The following PBLD variants were observed in gnomAD, a reference collection of about 807,000 sequenced individuals.
The protein encoded by PBLD is phenazine biosynthesis-like domain-containing protein.
A neutral mutation model predicts 31.3 loss-of-function variants in PBLD; 26 were observed. That is an observed-to-expected ratio of 0.83 (90% CI 0.61 to 1.15). The LOEUF (loss-of-function observed/expected upper bound fraction) is 1.15, where lower values mean the gene tolerates loss of function less well. Ranked by LOEUF, PBLD falls within the 50% of genes most tolerant of loss-of-function variation. The pLI, the probability that PBLD is intolerant of heterozygous loss-of-function variation, is 0.00. For synonymous variants in PBLD, 114 were observed against 129.0 expected (o/e 0.88, Z 0.79); for missense variants, 307 against 351.7 (o/e 0.87, Z 1.02).
chr10:68,294,450 T>G (rs1162635505), intron 4 of PBLD, among the ~76,000 whole-genome samples: 1 of 152,238 alleles, frequency 6.6e-6, no homozygotes, highest in Non-Finnish European at 1.5e-5. Context: ...GCCCTGACCC[T>G]GCTTGCCCAG....
At chr10:68,304,312 G>A (rs1365425446) in intron 2 of PBLD, among the ~76,000 whole-genome samples, 1 of 152,150 alleles carries the variant, frequency 6.6e-6, no homozygotes, top group Non-Finnish European at 1.5e-5. Context: ...CTAATCTTTA[G>A]ATATCTATTC....
intron 4 of PBLD, among the ~76,000 whole-genome samples, chr10:68,292,766 T>G (rs1230890173): frequency 6.6e-6 from 1 of 152,168 alleles, no homozygotes; most frequent in African/African-American, 2.4e-5. Context: ...CACCTCGGCC[T>G]CCCAAAATGC....
chr10:68,303,743 T>C (rs185811386), intron 2 of PBLD, among the ~76,000 whole-genome samples: 1 of 152,222 alleles, frequency 6.6e-6, no homozygotes, highest in Admixed American at 6.5e-5. Flanking sequence ...CACCACGACC[T>C]AGTCTTTAGT....
intron 1 of PBLD, among the ~76,000 whole-genome samples, chr10:68,326,480 A>T (rs565178006): frequency 5.9e-5 from 9 of 152,324 alleles, no homozygotes; most frequent in Non-Finnish European, 1.2e-4. Context: ...CATCGGAAAT[A>T]TTATTTATTC....
intron 1 of PBLD, among the ~76,000 whole-genome samples, chr10:68,316,480 A>G (rs528894952): frequency 2.6e-5 from 4 of 152,202 alleles, no homozygotes; most frequent in Non-Finnish European, 5.9e-5. Context: ...AAATTATAAG[A>G]GCCTCAGAGA....
chr10:68,324,326 G>A (rs143124175), intron 1 of PBLD, among the ~76,000 whole-genome samples: 5,001 of 151,938 alleles, frequency 0.033, 288 homozygotes, highest in African/African-American at 0.11. Context: ...ACAGGTGCGC[G>A]CCACCATGCC....
chr10:68,288,964 T>A lies in PBLD; in HGVS notation c.479A>T (p.Lys160Met). 1 of 1,614,144 alleles carries A rather than the reference T, an allele frequency of 6.2e-7. No homozygotes were observed. Among genetic ancestry groups the A allele is most frequent in the East Asian group, 2.2e-5 (1 of 44,888 alleles). The part of the protein sequence containing the change: ...QDICYSPDTQ[K>M]LLVRLSDVYN... Reference sequence around the variant, plus strand: ...AACGTCACTGAGGCGGACGAGGAGCTTTTGGGTATCTGGAGAATAACAGAT... The same window carrying A: ...AACGTCACTGAGGCGGACGAGGAGCATTTGGGTATCTGGAGAATAACAGAT... Residue 160 changes from lysine to methionine, a missense_variant, in exon 7 of 10, where the codon AAG (lysine) becomes ATG (methionine). Physicochemically the swap from Lys to Met is moderately conservative, Grantham distance 95 (BLOSUM62 -1). Transcript: ENST00000358769.
intron 2 of PBLD, among the ~76,000 whole-genome samples, chr10:68,306,024 G>A (rs10823175): frequency 0.79 from 119,593 of 151,840 alleles, 47,720 homozygotes; most frequent in Non-Finnish European, 0.86. Flanking sequence ...ACTCAGAAAC[G>A]CCTTACCTTG....
In PBLD at chr10:68,306,888, G is replaced by T; in HGVS notation, c.-44C>A. Reference sequence around the variant, plus strand: ...TTGCAAGTTCTCAAAATTGCTGGTAGCCTGCTTTACGTCTTCTTCTTGGAA... The same window carrying T: ...TTGCAAGTTCTCAAAATTGCTGGTATCCTGCTTTACGTCTTCTTCTTGGAA... On this transcript the variant is annotated 5_prime_UTR_variant, in exon 2 of 10. Transcript: ENST00000358769. 2 of 1,491,234 alleles carry T rather than the reference G, an allele frequency of 1.3e-6. No homozygotes were observed. Among genetic ancestry groups the T allele is most frequent in the Non-Finnish European group, 1.9e-6 (2 of 1,073,228 alleles). The allele number at this position is 1,491,234 out of a possible 1,614,324, so 92.4% of individuals were successfully genotyped here.
At chr10:68,296,793 C>T (rs2044434597) in intron 3 of PBLD, 93 bp downstream of exon 3, 1 of 1,117,750 alleles carries the variant, frequency 8.9e-7, no homozygotes, top group African/African-American at 1.6e-5. Context: ...TGCTTGAACG[C>T]AGGAGGCGGA....
At chr10:68,288,393 C>T (rs1463768654) in intron 8 of PBLD, 90 bp downstream of exon 8, 2 of 1,428,030 alleles carry the variant, frequency 1.4e-6, no homozygotes, top group African/African-American at 2.8e-5. Flanking sequence ...CTCAAGCCAC[C>T]TGAAAGGTCA....
At chr10:68,297,235 G>T (rs529618236) in intron 2 of PBLD, 132 of 492,142 alleles carry the variant, frequency 2.7e-4, no homozygotes, top group African/African-American at 2.2e-3. Context: ...GGCTGGCCTG[G>T]CCTGTCTTTT....
intron 1 of PBLD, among the ~76,000 whole-genome samples, chr10:68,314,510 T>C (rs1380587670): frequency 6.6e-6 from 1 of 152,162 alleles, no homozygotes; most frequent in Admixed American, 6.5e-5. Context: ...CAGGATGTGG[T>C]TGAAGTCTCT....
chr10:68,300,961 G>A (rs186355195), intron 2 of PBLD, among the ~76,000 whole-genome samples: 2 of 152,108 alleles, frequency 1.3e-5, no homozygotes, highest in Admixed American at 1.3e-4. Context: ...GCAGTGGTGC[G>A]ATCTGGCTCA....
rs2044424613 is a variant in PBLD at position 68,296,212 on chromosome 10, A to C, written c.283+54T>G. 7 of 1,206,920 alleles carry C rather than the reference A, an allele frequency of 5.8e-6. No individual in the cohort carries two copies. In the South Asian group the frequency reaches 7.5e-5, roughly 13 times the overall value. The allele number at this position is 1,206,920 out of a possible 1,614,324, so 74.8% of individuals were successfully genotyped here. ...CAGAAAAAGTGTGTGTGAGAACTTAAAAAAAAAAAAGCCATTTGCTAAGTG... is the reference window on the plus strand; with the variant it reads ...CAGAAAAAGTGTGTGTGAGAACTTACAAAAAAAAAAGCCATTTGCTAAGTG... On this transcript the variant is annotated intron_variant, in intron 4 of 9. Coordinates refer to ENST00000358769, the MANE Select transcript of PBLD (RefSeq NM_022129.4).
intron 7 of PBLD, 90 bp downstream of exon 7, chr10:68,288,841 T>C: frequency 7.3e-7 from 1 of 1,371,396 alleles, no homozygotes; most frequent in South Asian, 1.2e-5. Flanking sequence ...AATCATGGTT[T>C]GACTGGACAC....
intron 4 of PBLD, among the ~76,000 whole-genome samples, chr10:68,294,638 A>G (rs967645746): frequency 1.3e-5 from 2 of 152,232 alleles, no homozygotes; most frequent in African/African-American, 4.8e-5. Flanking sequence ...AAAAATGTCC[A>G]GCTTTAGAGC....
At chr10:68,288,404 C>T in intron 8 of PBLD, 79 bp downstream of exon 8, 1 of 1,493,548 alleles carries the variant, frequency 6.7e-7, no homozygotes, top group Non-Finnish European at 9.0e-7. Flanking sequence ...TGAAAGGTCA[C>T]AGGAAGTGCA....
At chr10:68,308,218 T>C (rs2044609375) in intron 1 of PBLD, among the ~76,000 whole-genome samples, 1 of 152,228 alleles carries the variant, frequency 6.6e-6, no homozygotes, top group Non-Finnish European at 1.5e-5. Flanking sequence ...ACCCTTTTAA[T>C]AGATTTACAA....
Sources: allele counts gnomAD v4.1 joint callset (sites outside exome capture counted in the v4.1 genomes callset), GRCh38; gene constraint gnomAD v4.1.1; transcripts MANE v1.5; gene names NCBI Gene and HGNC (gene_info 2026-07-23, HGNC 2026-07-21).